BMPER: variants seen among roughly 807,000 people sequenced by gnomAD.
BMPER encodes BMP binding endothelial regulator.
In BMPER, 45 loss-of-function variants were observed where a neutral mutation model predicts 87.3. That is an observed-to-expected ratio of 0.52 (90% confidence interval 0.41 to 0.66). BMPER has a LOEUF of 0.66. Ranked by LOEUF, BMPER falls within the 30% of genes least tolerant of loss-of-function variation. The pLI is 0.00. For missense variants in BMPER, 784 were observed against 867.5 expected (o/e 0.90, Z 1.21); for synonymous variants, 326 against 316.2 (o/e 1.03, Z -0.33).
intron 6 of BMPER, among the ~76,000 whole-genome samples, chr7:33,997,516 G>A (rs1337754486): frequency 6.6e-6 from 1 of 152,144 alleles, no homozygotes. Flanking sequence ...GCTGCCTTGT[G>A]AAGAAGGTGC....
intron 2 of BMPER, among the ~76,000 whole-genome samples, chr7:33,914,303 C>T (rs1241011024): frequency 2.0e-5 from 3 of 152,164 alleles, no homozygotes; most frequent in Non-Finnish European, 4.4e-5. Flanking sequence ...GATTGGGTGG[C>T]TCACCTTTAA....
intron 6 of BMPER, among the ~76,000 whole-genome samples, chr7:34,020,321 T>C (rs1787145564): frequency 6.6e-6 from 1 of 152,022 alleles, no homozygotes; most frequent in South Asian, 2.1e-4. Flanking sequence ...AAATCTGGTA[T>C]AGAAATAAGT....
At chr7:34,130,503 C>T (rs932079520) in intron 13 of BMPER, among the ~76,000 whole-genome samples, 2 of 152,206 alleles carry the variant, frequency 1.3e-5, no homozygotes, top group African/African-American at 2.4e-5. Context: ...ATCTCATTGT[C>T]ACTTAGTAGT....
intron 6 of BMPER, among the ~76,000 whole-genome samples, chr7:34,022,923 G>A (rs1787235744): frequency 6.6e-6 from 1 of 151,956 alleles, no homozygotes. Flanking sequence ...CTCCTGTCAT[G>A]GAGGTTGACA....
chr7:34,051,459 C>T (rs1264647996), intron 7 of BMPER, among the ~76,000 whole-genome samples: 3 of 152,150 alleles, frequency 2.0e-5, no homozygotes, highest in African/African-American at 7.2e-5. Context: ...AAGAATTCTT[C>T]TCTGACCTCC....
intron 11 of BMPER, among the ~76,000 whole-genome samples, chr7:34,072,893 T>C (rs545623954): frequency 1.3e-5 from 2 of 152,296 alleles, no homozygotes; most frequent in African/African-American, 4.8e-5. Flanking sequence ...TCCCATGAAT[T>C]TGGATTTCTC....
chr7:34,143,355 G>C lies in BMPER; in HGVS notation c.1871G>C (p.Cys624Ser). Residue 624 changes from cysteine to serine, a missense_variant, in exon 14 of 15, where the codon TGT becomes TCT. Physicochemically the swap from Cys to Ser is moderately radical, Grantham distance 112 (BLOSUM62 -1). Transcript: ENST00000649409. The stretch of plus-strand genomic sequence containing the variant: ...GTCCACTGGGAGCCTCAGCAGAATT[G>C]TGCAGGTAAGAAAGTCCTGCTGGAT... The part of the protein sequence containing the change: ...IKVHWEPQQN[C>S]AATQCKHGAV... The C allele has an allele frequency of 6.2e-7, 1 of 1,613,884 alleles. No homozygotes were observed. The highest frequency in any genetic ancestry group is 8.5e-7 in the Non-Finnish European group (1 of 1,179,870).
At chr7:34,031,946 A>ATG (rs1787535228) in intron 6 of BMPER, among the ~76,000 whole-genome samples, 1 of 139,540 alleles carries the variant, frequency 7.2e-6, no homozygotes, top group Non-Finnish European at 1.5e-5. Flanking sequence ...ACACACACAT[A>ATG]TATATACACA....
chr7:34,146,501 G>C (rs1416182368), intron 14 of BMPER, among the ~76,000 whole-genome samples: 2 of 152,080 alleles, frequency 1.3e-5, no homozygotes, highest in African/African-American at 2.4e-5. Flanking sequence ...GTATATAAAA[G>C]TTTAATAATA....
chr7:34,055,052 A>G, intron 8 of BMPER, 111 bp from the exon 9 acceptor site: 1 of 1,437,282 alleles, frequency 7.0e-7, no homozygotes, highest in Non-Finnish European at 9.8e-7. Flanking sequence ...AAAATAGGGT[A>G]CCTTACAGAC....
In BMPER at chr7:34,078,082, G is replaced by C. The variant is rs114323487; in HGVS notation, c.1079-775G>C. ...ATTTAATTTTCTATAGAAATCTTAGGGCTGCCCTAAAGTGTAAAACTTTAC... is the reference window on the plus strand; with the variant it reads ...ATTTAATTTTCTATAGAAATCTTAGCGCTGCCCTAAAGTGTAAAACTTTAC... On this transcript the variant is annotated intron_variant, in intron 11 of 14. Coordinates refer to ENST00000649409, the MANE Select transcript of BMPER (RefSeq NM_001365308.1). Among the ~76,000 whole-genome samples the C allele has an allele frequency of 3.5e-3, 531 of 151,988 alleles. 4 individuals carry two copies. The highest frequency in any genetic ancestry group is 0.012 in the African/African-American group (501 of 41,466).
At chr7:34,050,378 C>T (rs1443378884) in intron 7 of BMPER, among the ~76,000 whole-genome samples, 2 of 151,900 alleles carry the variant, frequency 1.3e-5, no homozygotes, top group Admixed American at 1.3e-4. Flanking sequence ...CAAATTATAA[C>T]TCACTTCCAC....
At chr7:33,981,255 T>C (rs1467732983) in intron 6 of BMPER, among the ~76,000 whole-genome samples, 1 of 152,162 alleles carries the variant, frequency 6.6e-6, no homozygotes, top group Non-Finnish European at 1.5e-5. Flanking sequence ...TTCCACATGA[T>C]CCCAGAGGTT....
At chr7:34,033,482 A>G (rs1384284476) in intron 6 of BMPER, among the ~76,000 whole-genome samples, 1 of 151,560 alleles carries the variant, frequency 6.6e-6, no homozygotes, top group Non-Finnish European at 1.5e-5. Context: ...TTTCCTGGTT[A>G]AAAAAAAAGC....
At chr7:33,931,332 A>G (rs1784474233) in intron 2 of BMPER, among the ~76,000 whole-genome samples, 1 of 152,094 alleles carries the variant, frequency 6.6e-6, no homozygotes, top group Non-Finnish European at 1.5e-5. Context: ...CAGGCTGGGA[A>G]CTGGGTTCTG....
At chr7:33,949,194 G>A (rs2128612735) in intron 3 of BMPER, among the ~76,000 whole-genome samples, 1 of 152,234 alleles carries the variant, frequency 6.6e-6, no homozygotes, top group East Asian at 1.9e-4. Flanking sequence ...TACTGCAGCA[G>A]TGTTCCAGTG....
intron 2 of BMPER, among the ~76,000 whole-genome samples, chr7:33,927,781 G>A (rs1311708517): frequency 6.6e-6 from 1 of 152,092 alleles, no homozygotes; most frequent in Non-Finnish European, 1.5e-5. Flanking sequence ...TCTGAGCCCC[G>A]GATCCTACAG....
chr7:33,988,688 A>C (rs1299002534), intron 6 of BMPER, among the ~76,000 whole-genome samples: 6 of 151,840 alleles, frequency 4.0e-5, no homozygotes, highest in African/African-American at 1.4e-4. Context: ...ATATGTATAC[A>C]TGTGCCATGC....
In BMPER at chr7:34,072,322, G is replaced by A. The variant is rs566381701; in HGVS notation, c.1079-6535G>A. On this transcript the variant is annotated intron_variant, in intron 11 of 14. Coordinates refer to ENST00000649409, the MANE Select transcript of BMPER (RefSeq NM_001365308.1). ...ACCACTCACTGGCTTAACACAGCAC[G>A]AATGCATTGTTTTATAGTTCTGGAG... Among the ~76,000 whole-genome samples, 156 of 152,236 alleles carry A rather than the reference G, an allele frequency of 1.0e-3. 1 individual carries two copies. The Middle Eastern group carries it at 0.01, about 10-fold the overall frequency.
Sources: allele counts gnomAD v4.1 joint callset (sites outside exome capture counted in the v4.1 genomes callset), GRCh38; gene constraint gnomAD v4.1.1; transcripts MANE v1.5; gene names NCBI Gene and HGNC (gene_info 2026-07-23, HGNC 2026-07-21).